PPP1R16A: variants seen among roughly 807,000 people sequenced by gnomAD.
The protein encoded by PPP1R16A is myosin phosphatase-targeting subunit 3.
PPP1R16A carries 39 observed loss-of-function variants against 46.6 expected under a neutral mutation model. That is an observed-to-expected ratio of 0.84 (90% CI 0.65 to 1.09). PPP1R16A has a LOEUF of 1.09. Ranked by LOEUF, PPP1R16A falls within the 50% of genes least tolerant of loss-of-function variation. The probability of loss-of-function intolerance (pLI) is 0.00; values close to 1 mark genes in which losing one functional copy is unlikely to be tolerated. For synonymous variants in PPP1R16A, 413 were observed against 321.5 expected (o/e 1.28, Z -3.04); for missense variants, 798 against 735.6 (o/e 1.08, Z -0.98).
At chr8:144,479,088 C>T (rs1825292928) in intron 1 of PPP1R16A, 1 of 152,294 alleles carries the variant, frequency 6.6e-6, no homozygotes, top group Non-Finnish European at 1.5e-5. Context: ...CCAGTTGCTT[C>T]CTGGACGTAT....
intron 1 of PPP1R16A, among the ~76,000 whole-genome samples, chr8:144,485,212 CAAAAAA>C (rs749667274): frequency 1.1e-4 from 7 of 61,528 alleles, no homozygotes; most frequent in South Asian, 6.2e-4. Context: ...AATAGAATCT[CAAAAAA>C]AAAAAAAAAA....
In PPP1R16A at chr8:144,498,816, G is replaced by A. The variant is rs770308020; in HGVS notation, c.306G>A (p.Glu102=). The change falls in exon 4 of 12, where the codon GAG becomes GAA. Residue 102 remains glutamate, a synonymous_variant. Transcript: ENST00000435887. ...GSGVSPDLAN[E]DGLTALHQCC... ...GGGTCAGCCCTGACTTGGCCAACGA[G>A]GACGGCCTGACGGCCCTGCACCAGG... 16 of 1,606,144 alleles carry A rather than the reference G, an allele frequency of 1.0e-5. No individual in the cohort carries two copies. Among genetic ancestry groups the A allele is most frequent in the Non-Finnish European group, 1.3e-5 (15 of 1,174,366 alleles).
intron 5 of PPP1R16A, 187 bp from the exon 6 acceptor site, chr8:144,499,909 C>A (rs1338488692): frequency 7.3e-5 from 44 of 603,840 alleles, no homozygotes; most frequent in Admixed American, 6.2e-4. Context: ...GGAGGCCTGT[C>A]TGGCTTAATG....
intron 1 of PPP1R16A, among the ~76,000 whole-genome samples, chr8:144,483,192 CT>C (rs557935473): frequency 2.6e-4 from 39 of 152,170 alleles, no homozygotes; most frequent in Non-Finnish European, 4.7e-4. Flanking sequence ...ACATGTCAGT[CT>C]TTCTATCTAC....
At chr8:144,500,801 A>C (rs756403978) in intron 9 of PPP1R16A, 40 bp downstream of exon 9, 1 of 1,603,220 alleles carries the variant, frequency 6.2e-7, no homozygotes, top group South Asian at 1.1e-5. Flanking sequence ...GGGAGAGGAC[A>C]GGCGGGGAGG....
Position 144,497,558 on chromosome 8 carries a change from T to G in PPP1R16A, c.259+105T>G, listed in dbSNP as rs748867219. On this transcript the variant is annotated intron_variant, in intron 3 of 11. Transcript: ENST00000435887. ...GGGGGCTGGGCCTGTCCACAGCTCCTGGGCTCCAGCCCCCAGATCTTGCCT... is the reference window on the plus strand; with the variant it reads ...GGGGGCTGGGCCTGTCCACAGCTCCGGGGCTCCAGCCCCCAGATCTTGCCT... The G allele has an allele frequency of 2.7e-6, 4 of 1,495,256 alleles. No individual in the cohort carries two copies. In the South Asian group the frequency reaches 3.5e-5, roughly 13 times the overall value. 92.6% of individuals were successfully genotyped at this position (1,495,256 alleles called of 1,614,324 possible).
In PPP1R16A at chr8:144,502,116, C is replaced by T. The variant is rs1826555895; in HGVS notation, c.*213C>T. 5.5e-6 allele frequency: 3 copies of T among 544,602 alleles called. No individual in the cohort carries two copies. The highest frequency in any genetic ancestry group is 3.0e-5 in the East Asian group (1 of 33,156). The allele number at this position is 544,602 out of a possible 1,614,324, so 33.7% of individuals were successfully genotyped here. A position where few individuals can be genotyped will look rare whatever the true frequency, so the allele number is the denominator to read the frequency against. On this transcript the variant is annotated 3_prime_UTR_variant, in exon 12 of 12. Transcript: ENST00000435887. ...AACTCTTGATAAAGGGCTGTTTTGC[C>T]ATGGAGCCTCGTTGTGTGTTGTGTG...
chr8:144,479,322 C>G (rs1255885004), intron 1 of PPP1R16A: 1 of 152,640 alleles, frequency 6.6e-6, no homozygotes, highest in East Asian at 1.9e-4. Context: ...TCTACAGGGC[C>G]AGCTGCCTGC....
chr8:144,500,446 T>C, intron 7 of PPP1R16A, 41 bp from the exon 8 acceptor site: 2 of 1,536,312 alleles, frequency 1.3e-6, no homozygotes, highest in Non-Finnish European at 1.7e-6. Context: ...TACTTGGAGG[T>C]GGGGGATGGG....
intron 10 of PPP1R16A, 30 bp downstream of exon 10, chr8:144,501,001 C>T (rs1163060507): frequency 2.8e-6 from 4 of 1,436,556 alleles, no homozygotes; most frequent in South Asian, 1.5e-5. Context: ...GGCCCCGCCC[C>T]GGGCTTGGCC....
At chr8:144,497,780 G>C in intron 3 of PPP1R16A, 1 of 463,218 alleles carries the variant, frequency 2.2e-6, no homozygotes, top group South Asian at 2.0e-5. Context: ...GGCCCCACGG[G>C]AGCAGGGGTG....
chr8:144,501,317 G>A (rs1826449755), intron 11 of PPP1R16A, 23 bp downstream of exon 11: 3 of 1,551,972 alleles, frequency 1.9e-6, no homozygotes, highest in African/African-American at 1.4e-5. Context: ...TCCCTGCTCC[G>A]CCCAGCGCAG....
intron 2 of PPP1R16A, chr8:144,495,532 T>G (rs1340892147): frequency 6.6e-6 from 1 of 152,244 alleles, no homozygotes; most frequent in Non-Finnish European, 1.5e-5. Flanking sequence ...GCCTCCCTGG[T>G]TCACGCCATT....
In PPP1R16A at chr8:144,498,935, G is replaced by C. The variant is rs372285262; in HGVS notation, c.350G>C (p.Arg117Pro). 6.2e-7 allele frequency: 1 copy of C among 1,612,794 alleles called. No individual in the cohort carries two copies. The highest frequency in any genetic ancestry group is 8.5e-7 in the Non-Finnish European group (1 of 1,179,912). Residue 117 changes from arginine (R) to proline (P), a missense_variant, in exon 5 of 12, where the codon CGA (arginine) becomes CCA (proline). Arg to Pro is a moderately radical substitution (Grantham distance 103). Transcript: ENST00000435887. ...ALHQCCIDDF[R>P]EMVQQLLEAG... Reference sequence around the variant, plus strand: ...TTGCAGTGCTGCATTGATGATTTCCGAGAGATGGTGCAGCAGCTCCTGGAG... The same window carrying C: ...TTGCAGTGCTGCATTGATGATTTCCCAGAGATGGTGCAGCAGCTCCTGGAG...
At chr8:144,481,222 C>G (rs1393893164) in intron 1 of PPP1R16A, among the ~76,000 whole-genome samples, 3 of 152,048 alleles carry the variant, frequency 2.0e-5, no homozygotes, top group Non-Finnish European at 4.4e-5. Flanking sequence ...CGTCATAATC[C>G]AAATATAAAA....
intron 1 of PPP1R16A, among the ~76,000 whole-genome samples, chr8:144,479,436 C>T (rs1825312992): frequency 6.6e-6 from 1 of 152,188 alleles, no homozygotes; most frequent in Non-Finnish European, 1.5e-5. Context: ...TGGCTGGGGC[C>T]ATCCCTCGTG....
intron 1 of PPP1R16A, among the ~76,000 whole-genome samples, chr8:144,480,408 G>A (rs1029430716): frequency 4.6e-5 from 7 of 152,124 alleles, no homozygotes; most frequent in East Asian, 1.9e-4. Flanking sequence ...TCTGCCTCCC[G>A]CGTTCAAATG....
intron 2 of PPP1R16A, 57 bp downstream of exon 2, chr8:144,490,269 G>T (rs1267873705): frequency 6.6e-6 from 1 of 152,402 alleles, no homozygotes; most frequent in Non-Finnish European, 1.5e-5. Context: ...CACTGTGGGA[G>T]GCCAAGGCAG....
chr8:144,498,884 T>C (rs1564768593), intron 4 of PPP1R16A, 32 bp from the exon 5 acceptor site: 6 of 1,612,688 alleles, frequency 3.7e-6, no homozygotes, highest in Non-Finnish European at 5.1e-6. Context: ...CTGGCCCCCG[T>C]GCTCTGGTCG....
Sources: gnomAD v4.1 joint callset for allele counts (sites outside exome capture counted in the v4.1 genomes callset) on GRCh38, gnomAD v4.1.1 for gene constraint, MANE v1.5 for transcripts, NCBI Gene and HGNC (gene_info 2026-07-23, HGNC 2026-07-21) for gene names.